TGS1: variants seen among roughly 807,000 people sequenced by gnomAD.
TGS1 encodes the protein trimethylguanosine synthase 1.
Under a neutral mutation model 92.2 loss-of-function variants are expected in TGS1, and 69 were observed. The observed-to-expected ratio is 0.75, with a 90% CI of 0.62 to 0.91. TGS1 has a LOEUF of 0.91. TGS1 is among the 40% of genes least tolerant of loss of function. The probability of loss-of-function intolerance (pLI) is 0.00; values close to 1 mark genes in which losing one functional copy is unlikely to be tolerated. For missense variants in TGS1, 1,062 were observed against 1,001.2 expected (o/e 1.06, Z -0.82); for synonymous variants, 345 against 338.1 (o/e 1.02, Z -0.22).
At chr8:55,811,199 A>T (rs1271260324) in intron 11 of TGS1, 102 bp downstream of exon 11, 2 of 822,102 alleles carry the variant, frequency 2.4e-6, no homozygotes, top group East Asian at 5.2e-5. Context: ...AGGGTGGCTC[A>T]CATTTGTAAT....
chr8:55,802,321 T>G, intron 8 of TGS1, 136 bp from the exon 9 acceptor site: 1 of 667,718 alleles, frequency 1.5e-6, no homozygotes. Flanking sequence ...CATCAGGCTC[T>G]CCTGTTTCTC....
In TGS1 at chr8:55,785,700, T is replaced by C. The variant is rs780830959; in HGVS notation, c.167-19T>C. On this transcript the variant is annotated intron_variant, in intron 2 of 12. Coordinates refer to ENST00000260129, the MANE Select transcript of TGS1 (RefSeq NM_024831.8). Reference sequence around the variant, plus strand: ...TCTTAAGTTTTCCTTAAAACTAAGCTAATAAATGGTGTCTATAGGAGACCA... The same window carrying C: ...TCTTAAGTTTTCCTTAAAACTAAGCCAATAAATGGTGTCTATAGGAGACCA... 4.7e-6 allele frequency: 7 copies of C among 1,499,356 alleles called. No individual in the cohort carries two copies. In the Admixed American group the frequency reaches 1.6e-4, roughly 35 times the overall value. The allele number at this position is 1,499,356 out of a possible 1,614,324, so 92.9% of individuals were successfully genotyped here. A position where few individuals can be genotyped will look rare whatever the true frequency, so the allele number is the denominator to read the frequency against.
intron 7 of TGS1, 79 bp from the exon 8 acceptor site, chr8:55,798,835 G>T: frequency 8.5e-7 from 1 of 1,182,246 alleles, no homozygotes. Flanking sequence ...TTTCAGTCAA[G>T]TCACAAATTG....
intron 10 of TGS1, among the ~76,000 whole-genome samples, chr8:55,805,952 C>T (rs1162043579): frequency 6.9e-6 from 1 of 144,836 alleles, no homozygotes; most frequent in Non-Finnish European, 1.6e-5. Context: ...GTCCCAGCTA[C>T]TCAGGCTGAG....
chr8:55,802,352 T>C (rs1812241498), intron 8 of TGS1, 105 bp from the exon 9 acceptor site: 1 of 929,498 alleles, frequency 1.1e-6, no homozygotes, highest in South Asian at 1.6e-5. Flanking sequence ...ATTATATACA[T>C]GTTCTGCTTG....
chr8:55,803,940 C>G lies in TGS1; in HGVS notation c.2000-953C>G, dbSNP rs117670196. Among the ~76,000 whole-genome samples, 140 of 152,138 alleles carry G rather than the reference C, an allele frequency of 9.2e-4. 2 individuals carry two copies. In the East Asian group the frequency reaches 0.021, roughly 23 times the overall value. Reference sequence around the variant, plus strand: ...CTCAAGTGATCCACCACGCCCAGCCCAGCACATCATTTTGTTCAGATAATT... The same window carrying G: ...CTCAAGTGATCCACCACGCCCAGCCGAGCACATCATTTTGTTCAGATAATT... On this transcript the variant is annotated intron_variant, in intron 9 of 12. Transcript: ENST00000260129.
chr8:55,798,290 A>G (rs1335402237), intron 7 of TGS1, among the ~76,000 whole-genome samples: 3 of 152,222 alleles, frequency 2.0e-5, no homozygotes, highest in Middle Eastern at 3.2e-3. Context: ...CTTGTTACAG[A>G]AGATGCAAAG....
Position 55,785,707 on chromosome 8 carries a change from TG to T in TGS1, c.167-10del. ...TTTTCCTTAAAACTAAGCTAATAAA[TG>T]GTGTCTATAGGAGACCAGGCGACAG... On this transcript the variant is annotated splice_polypyrimidine_tract_variant and intron_variant, in intron 2 of 12. Transcript: ENST00000260129. The T allele has an allele frequency of 6.6e-7, 1 of 1,517,510 alleles. No individual in the cohort carries two copies. Among genetic ancestry groups the T allele is most frequent in the Non-Finnish European group, 8.8e-7 (1 of 1,132,442 alleles). The allele number at this position is 1,517,510 out of a possible 1,614,324, so 94.0% of individuals were successfully genotyped here. A position where few individuals can be genotyped will look rare whatever the true frequency, so the allele number is the denominator to read the frequency against.
At chr8:55,775,180 G>A (rs1811355662) in intron 1 of TGS1, among the ~76,000 whole-genome samples, 1 of 151,596 alleles carries the variant, frequency 6.6e-6, no homozygotes, top group African/African-American at 2.4e-5. Context: ...CTTGAGCCCA[G>A]GAGATCCAGG....
intron 12 of TGS1, among the ~76,000 whole-genome samples, chr8:55,814,794 C>T (rs868647241): frequency 1.3e-5 from 2 of 148,746 alleles, no homozygotes; most frequent in Non-Finnish European, 3.0e-5. Flanking sequence ...GCCGAGATTG[C>T]GCCACTGCAC....
intron 12 of TGS1, among the ~76,000 whole-genome samples, chr8:55,816,590 A>G (rs1056369412): frequency 6.6e-6 from 1 of 152,178 alleles, no homozygotes; most frequent in Non-Finnish European, 1.5e-5. Context: ...TATCTTACCA[A>G]TACAGAGAGC....
intron 8 of TGS1, among the ~76,000 whole-genome samples, chr8:55,802,037 C>A (rs2130188967): frequency 6.6e-6 from 1 of 152,022 alleles, no homozygotes; most frequent in East Asian, 2.0e-4. Flanking sequence ...TACTAAAATA[C>A]AAAAAAATTA....
intron 9 of TGS1, among the ~76,000 whole-genome samples, chr8:55,803,442 A>G (rs377576275): frequency 1.5e-3 from 235 of 152,280 alleles, no homozygotes; most frequent in African/African-American, 5.5e-3. Context: ...TTGATCTATG[A>G]TGGAATTTCA....
At chr8:55,804,714 G>A (rs976243408) in intron 9 of TGS1, among the ~76,000 whole-genome samples, 179 bp from the exon 10 acceptor site, 2 of 152,198 alleles carry the variant, frequency 1.3e-5, no homozygotes, top group Non-Finnish European at 2.9e-5. Context: ...ATTGGGAATG[G>A]TACTGCTTTT....
rs1441377168 is a variant in TGS1 at position 55,825,686 on chromosome 8, A to AG, written c.*983_*984insG. Among the ~76,000 whole-genome samples the AG allele has an allele frequency of 6.6e-6, 1 of 152,180 alleles. No homozygotes were observed. The highest frequency in any genetic ancestry group is 1.9e-4 in the East Asian group (1 of 5,202). ...AATACTAGAAAATTAGACTAGAAAAATAGCTGTTATATAAATAACTTTGTT... is the reference window on the plus strand; with the variant it reads ...AATACTAGAAAATTAGACTAGAAAAAGTAGCTGTTATATAAATAACTTTGTT... On this transcript the variant is annotated 3_prime_UTR_variant, in exon 13 of 13. Coordinates refer to ENST00000260129, the MANE Select transcript of TGS1 (RefSeq NM_024831.8).
At position 55,804,841 on chromosome 8, in the gene TGS1, G is replaced by A; in HGVS notation, c.2000-52G>A. The A allele has an allele frequency of 9.7e-6, 15 of 1,552,994 alleles. No homozygotes were observed. The South Asian group carries it at 1.6e-4, about 17-fold the overall frequency. ...AGTAATGTTTGCTATGTTTATGCTT[G>A]CCTTGGCTTCTTGAAATTGAACATG... On this transcript the variant is annotated intron_variant, in intron 9 of 12. Coordinates refer to ENST00000260129, the MANE Select transcript of TGS1 (RefSeq NM_024831.8).
intron 4 of TGS1, among the ~76,000 whole-genome samples, chr8:55,788,581 G>A (rs372072361): frequency 5.3e-5 from 8 of 149,754 alleles, no homozygotes; most frequent in South Asian, 2.1e-4. Context: ...TCAGCCTCCC[G>A]AGTAGCTGGG....
intron 11 of TGS1, among the ~76,000 whole-genome samples, chr8:55,811,726 A>G (rs1003462894): frequency 2.6e-5 from 4 of 152,122 alleles, no homozygotes; most frequent in East Asian, 3.9e-4. Context: ...GCGCCACTGC[A>G]CTCCAGCCTG....
intron 9 of TGS1, among the ~76,000 whole-genome samples, chr8:55,804,308 G>A (rs1386302538): frequency 6.6e-6 from 1 of 152,188 alleles, no homozygotes; most frequent in East Asian, 1.9e-4. Flanking sequence ...GGGCATGGTA[G>A]CGTGTGCCTG....
Sources: allele counts gnomAD v4.1 joint callset (sites outside exome capture counted in the v4.1 genomes callset), GRCh38; gene constraint gnomAD v4.1.1; transcripts MANE v1.5; gene names NCBI Gene and HGNC (gene_info 2026-07-23, HGNC 2026-07-21).